DCBLD2: variants seen among roughly 807,000 people sequenced by gnomAD.
DCBLD2 encodes discoidin, CUB and LCCL domain containing 2.
Under a neutral mutation model 86.8 loss-of-function variants are expected in DCBLD2, and 54 were observed. The observed-to-expected ratio is 0.62, with a 90% CI of 0.50 to 0.78. The LOEUF (loss-of-function observed/expected upper bound fraction) is 0.78, where lower values mean the gene tolerates loss of function less well. Among genes scored for constraint, DCBLD2 ranks in the 30% least tolerant of loss-of-function variants. The probability of loss-of-function intolerance (pLI) is 0.00; values close to 1 mark genes in which losing one functional copy is unlikely to be tolerated. For missense variants in DCBLD2, 908 were observed against 954.2 expected, an observed-to-expected ratio of 0.95 and a Z score of 0.64; for synonymous variants, 354 against 341.3, an observed-to-expected ratio of 1.04 and a Z score of -0.41.
chr3:98,869,102 G>C (rs75309895), intron 2 of DCBLD2, among the ~76,000 whole-genome samples: 2 of 152,068 alleles, frequency 1.3e-5, no homozygotes, highest in South Asian at 2.1e-4. Flanking sequence ...AGTGTTCCCT[G>C]TCTGCGCCAA....
intron 3 of DCBLD2, among the ~76,000 whole-genome samples, chr3:98,833,236 C>T (rs1183425053): frequency 6.6e-6 from 1 of 152,134 alleles, no homozygotes; most frequent in African/African-American, 2.4e-5. Context: ...TTAATACTTG[C>T]AATTGGGTTG....
chr3:98,870,755 AAG>A (rs1553731676), intron 2 of DCBLD2, among the ~76,000 whole-genome samples: 1 of 139,566 alleles, frequency 7.2e-6, no homozygotes, highest in East Asian at 2.1e-4. Context: ...GAAAGAAAGA[AAG>A]AAAGAAAGAA....
rs745768653 is a variant in DCBLD2 at position 98,819,325 on chromosome 3, G to T, written c.964C>A (p.Gln322Lys). 1 of 1,613,700 alleles carries T rather than the reference G, an allele frequency of 6.2e-7. No individual in the cohort carries two copies. Among genetic ancestry groups the T allele is most frequent in the South Asian group, 1.1e-5 (1 of 91,070 alleles). ...TTTTTGGGTTTCCAACTGTTCTCTT[G>T]CCCTGTGTGGTCAGTCCACTCCAGC... The part of the protein sequence containing the change: ...SVLEWTDHTG[Q>K]ENSWKPKKAR... The change falls in exon 8 of 16, where the codon CAA becomes AAA. Residue 322 changes from glutamine to lysine, a missense_variant. Physicochemically the swap from Gln to Lys is moderately conservative, Grantham distance 53. This residue lies in a region of DCBLD2 where 606 missense variants were observed against 678.5 expected (regional missense o/e 0.89). Coordinates refer to ENST00000326840, the MANE Select transcript of DCBLD2 (RefSeq NM_080927.4).
chr3:98,838,831 G>A (rs1329115983), intron 3 of DCBLD2, among the ~76,000 whole-genome samples: 30 of 151,534 alleles, frequency 2.0e-4, no homozygotes, highest in African/African-American at 5.4e-4. Flanking sequence ...GATCACTCGC[G>A]GTTAGGGGCT....
At chr3:98,886,347 G>A (rs1354709875) in intron 1 of DCBLD2, among the ~76,000 whole-genome samples, 1 of 151,920 alleles carries the variant, frequency 6.6e-6, no homozygotes, top group Non-Finnish European at 1.5e-5. Flanking sequence ...GAGTAGCTTT[G>A]TACACTGGGA....
chr3:98,851,903 CCCCTTCCTT>C (rs1942844454), intron 2 of DCBLD2, among the ~76,000 whole-genome samples: 1 of 152,160 alleles, frequency 6.6e-6, no homozygotes, highest in African/African-American at 2.4e-5. Flanking sequence ...TGAAACTGGG[CCCCTTCCTT>C]ACACCTTATA....
In DCBLD2 at chr3:98,849,615, A is replaced by T. The variant is rs1942797239; in HGVS notation, c.434-17T>A. On this transcript the variant is annotated splice_polypyrimidine_tract_variant and intron_variant, in intron 2 of 15. Coordinates refer to ENST00000326840, the MANE Select transcript of DCBLD2 (RefSeq NM_080927.4). ...AGTATTTGCCTAGGAATGAAAGAAA[A>T]GCAGATTATTTGGGATGACTCTCAT... The T allele has an allele frequency of 6.2e-7, 1 of 1,601,448 alleles. No homozygotes were observed. The highest frequency in any genetic ancestry group is 1.7e-5 in the Admixed American group (1 of 59,342).
intron 2 of DCBLD2, among the ~76,000 whole-genome samples, chr3:98,875,151 T>C (rs1478951581): frequency 6.6e-6 from 1 of 152,186 alleles, no homozygotes; most frequent in Non-Finnish European, 1.5e-5. Context: ...GATGTGATTG[T>C]GTATCTGAAA....
At chr3:98,880,028 G>GT (rs1375661972) in intron 2 of DCBLD2, among the ~76,000 whole-genome samples, 1 of 152,214 alleles carries the variant, frequency 6.6e-6, no homozygotes, top group African/African-American at 2.4e-5. Context: ...TAATATCACA[G>GT]TAAGTTTTTC....
intron 2 of DCBLD2, among the ~76,000 whole-genome samples, chr3:98,872,280 C>T (rs1943292134): frequency 6.6e-6 from 1 of 152,120 alleles, no homozygotes; most frequent in African/African-American, 2.4e-5. Context: ...TTGATTAATG[C>T]CATCTCACGG....
At chr3:98,838,894 G>T (rs1259285590) in intron 3 of DCBLD2, among the ~76,000 whole-genome samples, 1 of 151,862 alleles carries the variant, frequency 6.6e-6, no homozygotes. Context: ...AAACCAGTCA[G>T]GCGTGGCGGC....
chr3:98,867,833 C>T (rs1260709575), intron 2 of DCBLD2, among the ~76,000 whole-genome samples: 4 of 150,112 alleles, frequency 2.7e-5, no homozygotes, highest in Admixed American at 6.6e-5. Context: ...GACGGAGTCT[C>T]GCTCTGTCAC....
chr3:98,801,339 A>T (rs530905055), intron 14 of DCBLD2: 715 of 423,286 alleles, frequency 1.7e-3, no homozygotes, highest in Middle Eastern at 5.1e-3. Context: ...AAACAGATAC[A>T]CAGGACAAAC....
In DCBLD2 at chr3:98,836,719, G is replaced by A. The variant is rs1321561224; in HGVS notation, c.572-11353C>T. ...CCCGGACGGGGCGGCTGGCCGGGCG[G>A]GGGGGCTGACCCCCCCATCTCCCTC... On this transcript the variant is annotated intron_variant, in intron 3 of 15. Transcript: ENST00000326840. Among the ~76,000 whole-genome samples the A allele has an allele frequency of 4.8e-5, 2 of 41,528 alleles. 1 individual carries two copies. The highest frequency in any genetic ancestry group is 6.3e-4 in the Admixed American group (2 of 3,156). 27.2% of individuals were successfully genotyped at this position (41,528 alleles called of 152,430 possible).
intron 3 of DCBLD2, among the ~76,000 whole-genome samples, chr3:98,848,310 T>G (rs1032137516): frequency 6.6e-5 from 10 of 152,252 alleles, no homozygotes; most frequent in African/African-American, 2.4e-4. Flanking sequence ...TCTCATTCTT[T>G]TTCATGGCTG....
chr3:98,843,968 T>A (rs1421327239), intron 3 of DCBLD2, among the ~76,000 whole-genome samples: 1 of 151,838 alleles, frequency 6.6e-6, no homozygotes, highest in African/African-American at 2.4e-5. Flanking sequence ...TTCAGTATTA[T>A]GTTTTAAGTG....
intron 1 of DCBLD2, among the ~76,000 whole-genome samples, chr3:98,899,316 T>C (rs1253822068): frequency 6.8e-6 from 1 of 147,508 alleles, no homozygotes; most frequent in Non-Finnish European, 1.5e-5. Context: ...TGGAGTGCAG[T>C]GGCGCGATCG....
intron 2 of DCBLD2, among the ~76,000 whole-genome samples, chr3:98,866,582 G>T (rs1440246910): frequency 1.3e-5 from 2 of 152,120 alleles, no homozygotes. Context: ...ATTTGTTTGA[G>T]TTCTTTGTAG....
At position 98,839,144 on chromosome 3, in the gene DCBLD2, C is replaced by CTTCTTTCT. The variant is rs1328181094; in HGVS notation, c.571+10309_571+10316dup. ...TTTTCTTTCTTTCCTTCCTTCCTTC[C>CTTCTTTCT]TTCTTTCTTTCTTTCTTTCTTTCTT... On this transcript the variant is annotated intron_variant, in intron 3 of 15. Coordinates refer to ENST00000326840, the MANE Select transcript of DCBLD2 (RefSeq NM_080927.4). Among the ~76,000 whole-genome samples, 24 of 111,044 alleles carry CTTCTTTCT rather than the reference C, an allele frequency of 2.2e-4. 1 individual carries two copies. Among genetic ancestry groups the CTTCTTTCT allele is most frequent in the African/African-American group, 7.7e-4 (22 of 28,484 alleles). The allele number at this position is 111,044 out of a possible 152,430, so 72.8% of individuals were successfully genotyped here.
Sources: allele counts gnomAD v4.1 joint callset (sites outside exome capture counted in the v4.1 genomes callset), GRCh38; gene constraint gnomAD v4.1.1; regional missense constraint gnomAD v4.1.1; transcripts MANE v1.5; gene names NCBI Gene and HGNC (gene_info 2026-07-23, HGNC 2026-07-21).